Variants in PPIP5K1 observed in about 807,000 individuals in gnomAD.
The protein encoded by PPIP5K1 is diphosphoinositol pentakisphosphate kinase 1.
In PPIP5K1, 6 loss-of-function variants were observed where a neutral mutation model predicts 27.7. That is an observed-to-expected ratio of 0.22 (90% CI 0.12 to 0.43). The LOEUF is 0.43. Among genes scored for constraint, PPIP5K1 ranks in the 20% least tolerant of loss-of-function variants. The pLI, the probability that PPIP5K1 is intolerant of heterozygous loss-of-function variation, is 1.00. For missense variants in PPIP5K1, 394 were observed against 635.4 expected (o/e 0.62, Z 4.08); for synonymous variants, 145 against 242.6 (o/e 0.60, Z 3.74).
chr15:43,542,887 C>T (rs1367814200), intron 30 of PPIP5K1, among the ~76,000 whole-genome samples: 1 of 152,026 alleles, frequency 6.6e-6, no homozygotes, highest in Non-Finnish European at 1.5e-5. Flanking sequence ...AGCTATGTTG[C>T]CCAGGCTGGT....
At chr15:43,544,799 C>A (rs1012153932) in intron 30 of PPIP5K1, among the ~76,000 whole-genome samples, 2 of 152,088 alleles carry the variant, frequency 1.3e-5, no homozygotes, top group Non-Finnish European at 1.5e-5. Context: ...GGTGACAGAG[C>A]AAGACCCTGT....
In PPIP5K1 at chr15:43,535,442, A is replaced by G. The variant is rs1356160333; in HGVS notation, c.3705T>C (p.Ala1235=). ...CTACTGTAGTAGGGGAAGAAGGACC[A>G]GCACTGGACACAGTGCTAGAAGGGC... The part of the protein sequence containing the change: ...SSGPSSTVSS[A]GPSSPTTVDG... The change falls in exon 32 of 32, where the codon GCT becomes GCC. Residue 1235 remains alanine, a synonymous_variant. Coordinates refer to ENST00000420765, the MANE Select transcript of PPIP5K1 (RefSeq NM_001394395.1). The G allele has an allele frequency of 1.2e-6, 2 of 1,602,920 alleles. No individual in the cohort carries two copies. Among genetic ancestry groups the G allele is most frequent in the Non-Finnish European group, 1.7e-6 (2 of 1,175,142 alleles).
intron 31 of PPIP5K1, among the ~76,000 whole-genome samples, chr15:43,537,766 A>T (rs1366676791): frequency 1.3e-5 from 2 of 150,154 alleles, no homozygotes; most frequent in African/African-American, 4.9e-5. Flanking sequence ...GCTTTAAGAG[A>T]TGTGGAGCCT....
chr15:43,558,179 C>T lies in PPIP5K1; in HGVS notation c.3556+616G>A, dbSNP rs146977347. Among the ~76,000 whole-genome samples the T allele has an allele frequency of 6.9e-3, 1,039 of 151,018 alleles. 11 individuals carry two copies. The highest frequency in any genetic ancestry group is 0.024 in the African/African-American group (985 of 41,084). On this transcript the variant is annotated intron_variant, in intron 30 of 31. Transcript: ENST00000420765. The stretch of plus-strand genomic sequence containing the variant: ...TGGGCTCAAGCAGTTCTCCTAGCCT[C>T]CCAAGCAGCTGGGACTACAGGCACA...
chr15:43,553,566 TTC>T (rs1432256210), intron 30 of PPIP5K1, among the ~76,000 whole-genome samples: 39 of 152,138 alleles, frequency 2.6e-4, no homozygotes, highest in African/African-American at 8.9e-4. Context: ...TGGTCTCAGA[TTC>T]CTGGGCTTAA....
At chr15:43,537,103 G>A (rs1398890385) in intron 31 of PPIP5K1, among the ~76,000 whole-genome samples, 1 of 151,706 alleles carries the variant, frequency 6.6e-6, no homozygotes, top group Non-Finnish European at 1.5e-5. Context: ...TTGGGAGGCC[G>A]AGGTGGGCAG....
chr15:43,545,474 C>CTT lies in PPIP5K1; in HGVS notation c.3557-5893_3557-5892dup, dbSNP rs56710390. 3.9e-3 allele frequency among the ~76,000 whole-genome samples: 469 copies of CTT among 119,066 alleles called. 4 individuals carry two copies. Among genetic ancestry groups the CTT allele is most frequent in the African/African-American group, 0.013 (416 of 32,162 alleles). The allele number at this position is 119,066 out of a possible 152,430, so 78.1% of individuals were successfully genotyped here. A position where few individuals can be genotyped will look rare whatever the true frequency, so the allele number is the denominator to read the frequency against. ...TCTGCATTTCTTTCTCTGTACACTT[C>CTT]TTTTTTTTTTTTTTTTTTTTAGTGA... On this transcript the variant is annotated intron_variant, in intron 30 of 31. Coordinates refer to ENST00000420765, the MANE Select transcript of PPIP5K1 (RefSeq NM_001394395.1).
At chr15:43,556,319 A>T (rs1054781494) in intron 30 of PPIP5K1, among the ~76,000 whole-genome samples, 1 of 151,812 alleles carries the variant, frequency 6.6e-6, no homozygotes, top group Non-Finnish European at 1.5e-5. Context: ...ACTCCATCTC[A>T]AAAAACAGAA....
chr15:43,535,205 T>A lies in PPIP5K1; in HGVS notation c.3942A>T (p.Pro1314=), dbSNP rs767118344. 1 of 1,614,034 alleles carries A rather than the reference T, an allele frequency of 6.2e-7. No individual in the cohort carries two copies. Among genetic ancestry groups the A allele is most frequent in the Non-Finnish European group, 8.5e-7 (1 of 1,180,026 alleles). The change falls in exon 32 of 32, where the codon CCA becomes CCT. Residue 1314 remains proline (P), a synonymous_variant. Coordinates refer to ENST00000420765, the MANE Select transcript of PPIP5K1 (RefSeq NM_001394395.1). Reference sequence around the variant, plus strand: ...GGCTGATGTCAGGGACCTCCTGACATGGCTGGCTGACCTCCTCGTATGGCT... The same window carrying A: ...GGCTGATGTCAGGGACCTCCTGACAAGGCTGGCTGACCTCCTCGTATGGCT... The part of the protein sequence containing the change: ...TSQPYEEVSQ[P]CQEVPDISQP...
At chr15:43,539,177 A>G (rs1232791712) in intron 31 of PPIP5K1, among the ~76,000 whole-genome samples, 1 of 149,718 alleles carries the variant, frequency 6.7e-6, no homozygotes, top group East Asian at 2.0e-4. Flanking sequence ...TGCCTGGGCA[A>G]TAAGAGCGAA....
chr15:43,586,706 G>GATGATAATAATA (rs1444586840), intron 1 of PPIP5K1, among the ~76,000 whole-genome samples: 1 of 96,588 alleles, frequency 1.0e-5, no homozygotes, highest in Non-Finnish European at 2.2e-5. Context: ...AAATAATGAT[G>GATGATAATAATA]ATAATAATAA....
intron 31 of PPIP5K1, among the ~76,000 whole-genome samples, chr15:43,536,884 T>G (rs2079934107): frequency 6.6e-6 from 1 of 152,138 alleles, no homozygotes; most frequent in Non-Finnish European, 1.5e-5. Context: ...TAACGATATA[T>G]TAAAGCACTA....
chr15:43,543,919 C>T (rs1432548998), intron 30 of PPIP5K1, among the ~76,000 whole-genome samples: 1 of 151,722 alleles, frequency 6.6e-6, no homozygotes, highest in Non-Finnish European at 1.5e-5. Flanking sequence ...TTCTTTTTGT[C>T]CCACCAAAGA....
chr15:43,556,536 A>C (rs2141034855), intron 30 of PPIP5K1, among the ~76,000 whole-genome samples: 1 of 117,868 alleles, frequency 8.5e-6, no homozygotes, highest in Non-Finnish European at 1.6e-5. Flanking sequence ...ATGAAACTCC[A>C]TCTCAAAAAA....
At position 43,542,870 on chromosome 15, in the gene PPIP5K1, A is replaced by G. The variant is rs137918687; in HGVS notation, c.3557-3287T>C. On this transcript the variant is annotated intron_variant, in intron 30 of 31. Coordinates refer to ENST00000420765, the MANE Select transcript of PPIP5K1 (RefSeq NM_001394395.1). ...CTAACTTTTTAATTTTCTTAGAGATAAGATCTAGCTATGTTGCCCAGGCTG... is the reference window on the plus strand; with the variant it reads ...CTAACTTTTTAATTTTCTTAGAGATGAGATCTAGCTATGTTGCCCAGGCTG... Among the ~76,000 whole-genome samples, 69 of 148,684 alleles carry G rather than the reference A, an allele frequency of 4.6e-4. No individual in the cohort carries two copies. In the East Asian group the frequency reaches 0.014, roughly 29 times the overall value.
At chr15:43,556,164 AC>A (rs2082912151) in intron 30 of PPIP5K1, among the ~76,000 whole-genome samples, 4 of 151,918 alleles carry the variant, frequency 2.6e-5, no homozygotes, top group Non-Finnish European at 4.4e-5. Flanking sequence ...CTAAAAAAAT[AC>A]AAAAATTAGC....
intron 30 of PPIP5K1, among the ~76,000 whole-genome samples, chr15:43,549,241 A>C (rs1020454990): frequency 1.3e-5 from 2 of 151,364 alleles, no homozygotes; most frequent in African/African-American, 4.9e-5. Context: ...AATGTTTTGT[A>C]GTTTTTGGTG....
At position 43,557,816 on chromosome 15, in the gene PPIP5K1, C is replaced by T. The variant is rs944746121; in HGVS notation, c.3556+979G>A. Among the ~76,000 whole-genome samples the T allele has an allele frequency of 5.3e-5, 8 of 150,846 alleles. No individual in the cohort carries two copies. The Admixed American group carries it at 5.3e-4, about 10-fold the overall frequency. On this transcript the variant is annotated intron_variant, in intron 30 of 31. Coordinates refer to ENST00000420765, the MANE Select transcript of PPIP5K1 (RefSeq NM_001394395.1). ...AGTAGATGAGACTACAGGCACACAC[C>T]ACCATGCATAGCCTTTTTTTTTTTT... is the stretch of plus-strand genomic sequence containing the variant.
chr15:43,558,788 T>C lies in PPIP5K1; in HGVS notation c.3556+7A>G. On this transcript the variant is annotated splice_region_variant and intron_variant, in intron 30 of 31. Transcript: ENST00000420765. The stretch of plus-strand genomic sequence containing the variant: ...AGAGAAGGGTAAAAAAATAAGAATA[T>C]CCCTACCTGCAGATGCCTGTGCCTG... The C allele has an allele frequency of 6.2e-7, 1 of 1,613,620 alleles. No homozygotes were observed. Among genetic ancestry groups the C allele is most frequent in the Non-Finnish European group, 8.5e-7 (1 of 1,179,996 alleles).
Sources: gnomAD v4.1 joint callset for allele counts (sites outside exome capture counted in the v4.1 genomes callset) on GRCh38, gnomAD v4.1.1 for gene constraint, MANE v1.5 for transcripts, NCBI Gene and HGNC (gene_info 2026-07-23, HGNC 2026-07-21) for gene names.